The following FSTL4 variants were observed in gnomAD, a reference collection of about 807,000 sequenced individuals.
FSTL4 encodes the protein follistatin-related protein 4.
A neutral mutation model predicts 78.2 loss-of-function variants in FSTL4; 28 were observed. That is an observed-to-expected ratio of 0.36 (90% CI 0.27 to 0.49). The LOEUF (loss-of-function observed/expected upper bound fraction) is 0.49, where lower values mean the gene tolerates loss of function less well. Ranked by LOEUF, FSTL4 falls within the 20% of genes least tolerant of loss-of-function variation. The probability of loss-of-function intolerance (pLI) is 0.98; values close to 1 mark genes in which losing one functional copy is unlikely to be tolerated. For synonymous variants in FSTL4, 422 were observed against 440.5 expected, an observed-to-expected ratio of 0.96 and a Z score of 0.53; for missense variants, 922 against 1,084.9, an observed-to-expected ratio of 0.85 and a Z score of 2.11.
At chr5:133,261,397 C>T (rs1752516555) in intron 6 of FSTL4, among the ~76,000 whole-genome samples, 1 of 152,088 alleles carries the variant, frequency 6.6e-6, no homozygotes, top group Non-Finnish European at 1.5e-5. Flanking sequence ...CCTAAGACAT[C>T]CCCCAAATGG....
chr5:133,226,774 G>C (rs1001752231), intron 8 of FSTL4, among the ~76,000 whole-genome samples: 5 of 152,194 alleles, frequency 3.3e-5, no homozygotes, highest in Admixed American at 3.3e-4. Flanking sequence ...ACTCCCTGTT[G>C]TTCAGTTAAA....
chr5:133,534,272 TTG>T (rs1759309773), intron 3 of FSTL4, among the ~76,000 whole-genome samples: 1 of 152,180 alleles, frequency 6.6e-6, no homozygotes, highest in Admixed American at 6.5e-5. Context: ...TTTCTGTCAC[TTG>T]AGTTTAAGAA....
intron 2 of FSTL4, among the ~76,000 whole-genome samples, chr5:133,577,233 C>T (rs1011969462): frequency 2.6e-5 from 4 of 152,166 alleles, no homozygotes; most frequent in African/African-American, 7.2e-5. Context: ...CAGCAAAGAA[C>T]AGGATATTCT....
intron 2 of FSTL4, 81 bp from the exon 3 acceptor site, chr5:133,567,300 G>C: frequency 9.9e-7 from 1 of 1,012,360 alleles, no homozygotes; most frequent in Non-Finnish European, 1.6e-6. Flanking sequence ...TCTCTTGTTA[G>C]TCACACATTT....
chr5:133,256,629 G>A (rs912637341), intron 6 of FSTL4: 2 of 152,218 alleles, frequency 1.3e-5, no homozygotes, highest in African/African-American at 2.4e-5. Flanking sequence ...AATGTTTGTG[G>A]ATGGGAGGCT....
At chr5:133,630,447 G>A in the FSTL4 span, among the ~76,000 whole-genome samples, 1 of 152,142 alleles carries the variant, frequency 6.6e-6, no homozygotes, top group Non-Finnish European at 1.5e-5. Flanking sequence ...GGATGTGAAG[G>A]ACTTCTTCAA....
the FSTL4 span, among the ~76,000 whole-genome samples, chr5:133,761,618 C>A: frequency 6.6e-6 from 1 of 152,214 alleles, no homozygotes; most frequent in African/African-American, 2.4e-5. Context: ...TGTACCTTCT[C>A]TTCCAAGATT....
the FSTL4 span, among the ~76,000 whole-genome samples, chr5:133,688,140 G>A: frequency 1.3e-5 from 2 of 152,312 alleles, no homozygotes; most frequent in Non-Finnish European, 2.9e-5. Context: ...CGGGCACAGG[G>A]GCTCACGCCT....
intron 4 of FSTL4, among the ~76,000 whole-genome samples, chr5:133,331,497 G>A (rs1343845128): frequency 6.6e-6 from 1 of 152,190 alleles, no homozygotes; most frequent in East Asian, 1.9e-4. Context: ...TGCGGAAGGG[G>A]CTCCTGGGGT....
intron 6 of FSTL4, among the ~76,000 whole-genome samples, chr5:133,264,604 T>G (rs1752604267): frequency 6.6e-6 from 1 of 152,214 alleles, no homozygotes; most frequent in Non-Finnish European, 1.5e-5. Flanking sequence ...TGCCAAAACC[T>G]TTTCTGTGTT....
the FSTL4 span, among the ~76,000 whole-genome samples, chr5:133,658,855 A>G: frequency 6.6e-6 from 1 of 152,140 alleles, no homozygotes; most frequent in African/African-American, 2.4e-5. Context: ...ACCTCTAAGT[A>G]TTTAACAACT....
At chr5:133,281,145 C>A (rs945445654) in intron 6 of FSTL4, among the ~76,000 whole-genome samples, 2 of 152,082 alleles carry the variant, frequency 1.3e-5, no homozygotes. Context: ...TTTGTCCTGC[C>A]CCTTCCACCA....
chr5:133,699,143 C>T, the FSTL4 span, among the ~76,000 whole-genome samples: 2 of 152,098 alleles, frequency 1.3e-5, no homozygotes, highest in African/African-American at 4.8e-5. Context: ...CAGAGTATGA[C>T]ATTTAAAACA....
chr5:133,374,117 C>T (rs972572779), intron 4 of FSTL4, among the ~76,000 whole-genome samples: 4 of 152,190 alleles, frequency 2.6e-5, no homozygotes, highest in African/African-American at 9.7e-5. Context: ...TTCACAGGAT[C>T]TGGGAAGGTC....
chr5:133,628,788 TA>T, the FSTL4 span, among the ~76,000 whole-genome samples: 15 of 152,050 alleles, frequency 9.9e-5, no homozygotes, highest in African/African-American at 3.4e-4. Context: ...AATAAAAAAA[TA>T]AAAAAATAGG....
At chr5:133,788,048 G>A in the FSTL4 span, among the ~76,000 whole-genome samples, 1 of 152,340 alleles carries the variant, frequency 6.6e-6, no homozygotes, top group East Asian at 1.9e-4. Flanking sequence ...GCAGAGGTTG[G>A]AACAGAGGGC....
intron 3 of FSTL4, among the ~76,000 whole-genome samples, chr5:133,552,106 G>A (rs1759700765): frequency 6.6e-6 from 1 of 152,146 alleles, no homozygotes; most frequent in Admixed American, 6.5e-5. Context: ...GGTTGCTTCA[G>A]CCTTTACTCT....
chr5:133,392,377 C>CAA (rs1214716975), intron 4 of FSTL4, among the ~76,000 whole-genome samples: 1 of 152,096 alleles, frequency 6.6e-6, no homozygotes, highest in Non-Finnish European at 1.5e-5. Flanking sequence ...TACGGAGAGT[C>CAA]AGAGGGATGG....
Position 133,529,867 on chromosome 5 carries a change from G to GT in FSTL4, c.160+37318dup, listed in dbSNP as rs747054667. Among the ~76,000 whole-genome samples the GT allele has an allele frequency of 4.4e-3, 626 of 143,870 alleles. 1 individual carries two copies. The highest frequency in any genetic ancestry group is 0.01 in the African/African-American group (405 of 39,530). 94.4% of individuals were successfully genotyped at this position (143,870 alleles called of 152,430 possible). On this transcript the variant is annotated intron_variant, in intron 3 of 15. Transcript: ENST00000265342. ...AAAATAAAGCAATAAAATGTTTCGG[G>GT]TTTTTTTTTTTTTAAGCGTCCTGTC...
Sources: allele counts gnomAD v4.1 joint callset (sites outside exome capture counted in the v4.1 genomes callset), GRCh38; gene constraint gnomAD v4.1.1; transcripts MANE v1.5; gene names NCBI Gene and HGNC (gene_info 2026-07-23, HGNC 2026-07-21).